FOXK1: variants seen among roughly 807,000 people sequenced by gnomAD.
The protein encoded by FOXK1 is forkhead box protein K1.
A neutral mutation model predicts 51.9 loss-of-function variants in FOXK1; 19 were observed. That is an observed-to-expected ratio of 0.37 (90% CI 0.26 to 0.54). The LOEUF (loss-of-function observed/expected upper bound fraction) is 0.54, where lower values mean the gene tolerates loss of function less well. Among genes scored for constraint, FOXK1 ranks in the 20% least tolerant of loss-of-function variants. FOXK1 has a pLI of 0.87. For missense variants in FOXK1, 870 were observed against 1,032.7 expected (o/e 0.84, Z 2.16); for synonymous variants, 537 against 482.6 (o/e 1.11, Z -1.48).
intron 1 of FOXK1, among the ~76,000 whole-genome samples, chr7:4,685,286 C>G (rs974723856): frequency 3.5e-5 from 5 of 141,128 alleles, no homozygotes; most frequent in Non-Finnish European, 7.5e-5. Context: ...AGTGCAGTGG[C>G]TCACTGCAAA....
rs1780931019 is a variant in FOXK1 at position 4,761,389 on chromosome 7, A to C, written c.1921+101A>C. 4 of 1,195,218 alleles carry C rather than the reference A, an allele frequency of 3.3e-6. No homozygotes were observed. In the South Asian group the frequency reaches 5.6e-5, roughly 17 times the overall value. 74.0% of individuals were successfully genotyped at this position (1,195,218 alleles called of 1,614,324 possible). On this transcript the variant is annotated intron_variant, in intron 8 of 8. Transcript: ENST00000328914. The surrounding 1 kb of genome is among the most constrained non-coding windows in gnomAD (Gnocchi z 6.2). The stretch of plus-strand genomic sequence containing the variant: ...TTCTCCCAGTATCTCCCGATCCTCC[A>C]CTCAGTTCAATTTATTGAGCACCTG...
At chr7:4,738,631 C>G (rs1476404888) in intron 1 of FOXK1, among the ~76,000 whole-genome samples, 1 of 152,086 alleles carries the variant, frequency 6.6e-6, no homozygotes, top group Non-Finnish European at 1.5e-5. Context: ...TCAGGGGTGA[C>G]CGACCACCCA....
In FOXK1 at chr7:4,720,962, C is replaced by T. The variant is rs775633788; in HGVS notation, c.561-19876C>T. ...ACACACGTGTTAGTCAGGCTGGTCTCGAACTCCTGACCTTATGTGATCCGC... is the reference window on the plus strand; with the variant it reads ...ACACACGTGTTAGTCAGGCTGGTCTTGAACTCCTGACCTTATGTGATCCGC... On this transcript the variant is annotated intron_variant, in intron 1 of 8. Coordinates refer to ENST00000328914, the MANE Select transcript of FOXK1 (RefSeq NM_001037165.2). Among the ~76,000 whole-genome samples the T allele has an allele frequency of 3.3e-5, 5 of 151,978 alleles. No individual in the cohort carries two copies. In the South Asian group the frequency reaches 6.2e-4, roughly 19 times the overall value.
At position 4,729,010 on chromosome 7, in the gene FOXK1, C is replaced by T. The variant is rs115188458; in HGVS notation, c.561-11828C>T. 2.9e-3 allele frequency among the ~76,000 whole-genome samples: 449 copies of T among 152,298 alleles called. 3 individuals are homozygous for T. The highest frequency in any genetic ancestry group is 0.01 in the African/African-American group (434 of 41,568). On this transcript the variant is annotated intron_variant, in intron 1 of 8. Transcript: ENST00000328914. The surrounding 1 kb of genome is among the most constrained non-coding windows in gnomAD (Gnocchi z 6.2). ...TCCCAGAAGCATTTTCTTAAATCAGCGTAGAGACAGAAGATGAAAGTTAAC... is the reference window on the plus strand; with the variant it reads ...TCCCAGAAGCATTTTCTTAAATCAGTGTAGAGACAGAAGATGAAAGTTAAC...
chr7:4,725,620 C>A (rs572670375), intron 1 of FOXK1, among the ~76,000 whole-genome samples: 1 of 152,248 alleles, frequency 6.6e-6, no homozygotes, highest in Admixed American at 6.5e-5. Flanking sequence ...ATGCTCCGGG[C>A]GTGTGGCTGT....
chr7:4,757,281 G>C, intron 5 of FOXK1, 94 bp downstream of exon 5: 1 of 1,136,264 alleles, frequency 8.8e-7, no homozygotes, highest in Non-Finnish European at 1.3e-6. Context: ...CTCCGGATCT[G>C]TGGGCTCAGG....
chr7:4,685,517 C>T (rs537126719), intron 1 of FOXK1, among the ~76,000 whole-genome samples: 453 of 150,572 alleles, frequency 3.0e-3, no homozygotes, highest in African/African-American at 5.3e-3. Context: ...CCCCTGCGCC[C>T]GGCCTCACTT....
At chr7:4,741,342 G>A (rs998015488) in intron 2 of FOXK1, among the ~76,000 whole-genome samples, 6 of 150,818 alleles carry the variant, frequency 4.0e-5, no homozygotes, top group African/African-American at 1.2e-4. Flanking sequence ...TTGTTTGTTT[G>A]TTTTGAGATG....
At position 4,753,286 on chromosome 7, in the gene FOXK1, G is replaced by A. The variant is rs996081960; in HGVS notation, c.747-1173G>A. On this transcript the variant is annotated intron_variant, in intron 2 of 8. Coordinates refer to ENST00000328914, the MANE Select transcript of FOXK1 (RefSeq NM_001037165.2). This position sits in a 1 kb window ranked among gnomAD's most constrained non-coding sequence, Gnocchi z 4.9. ...TTGAGCCCCGCCTGCACCCAAGGGG[G>A]CTCCTACTTAACCTAAGTTTTGGAG... Among the ~76,000 whole-genome samples, 1 of 152,218 alleles carries A rather than the reference G, an allele frequency of 6.6e-6. No individual in the cohort carries two copies. Among genetic ancestry groups the A allele is most frequent in the African/African-American group, 2.4e-5 (1 of 41,444 alleles).
rs565265819 is a variant in FOXK1 at position 4,709,656 on chromosome 7, C to T, written c.560+26788C>T. On this transcript the variant is annotated intron_variant, in intron 1 of 8. Coordinates refer to ENST00000328914, the MANE Select transcript of FOXK1 (RefSeq NM_001037165.2). This position sits in a 1 kb window ranked among gnomAD's most constrained non-coding sequence, Gnocchi z 5.6. ...TGTTAAAATCATGAACTGGTTTTGC[C>T]GCAGTAAAGCGTAATTCACATGATA... Among the ~76,000 whole-genome samples, 5 of 152,310 alleles carry T rather than the reference C, an allele frequency of 3.3e-5. 1 individual carries two copies. The East Asian group carries it at 5.8e-4, about 18-fold the overall frequency.
rs1202262155 is a variant in FOXK1, at chr7:4,730,666, C to G, written c.561-10172C>G. On this transcript the variant is annotated intron_variant, in intron 1 of 8. Coordinates refer to ENST00000328914, the MANE Select transcript of FOXK1 (RefSeq NM_001037165.2). The surrounding 1 kb of genome is among the most constrained non-coding windows in gnomAD (Gnocchi z 4.7). Reference sequence around the variant, plus strand: ...TTCGTCTGTAACCTGTGTCCCTTCACTGCCATGCACTGCTCTTAGCTGCTG... The same window carrying G: ...TTCGTCTGTAACCTGTGTCCCTTCAGTGCCATGCACTGCTCTTAGCTGCTG... Among the ~76,000 whole-genome samples, 1 of 152,236 alleles carries G rather than the reference C, an allele frequency of 6.6e-6. No individual in the cohort carries two copies. The highest frequency in any genetic ancestry group is 1.5e-5 in the Non-Finnish European group (1 of 68,030).
chr7:4,690,315 G>A (rs118059772), intron 1 of FOXK1, among the ~76,000 whole-genome samples: 9 of 152,366 alleles, frequency 5.9e-5, no homozygotes, highest in Admixed American at 1.3e-4. Flanking sequence ...TTTCAGTCCG[G>A]TTGTATCTTG....
intron 1 of FOXK1, among the ~76,000 whole-genome samples, chr7:4,705,492 A>C (rs1429430030): frequency 2.1e-5 from 3 of 145,234 alleles, no homozygotes; most frequent in Non-Finnish European, 3.0e-5. Context: ...TTAAGTGAGA[A>C]TTCTTCTGTG....
Position 4,734,710 on chromosome 7 carries a change from G to A in FOXK1, c.561-6128G>A, listed in dbSNP as rs1780529316. 6.6e-6 allele frequency among the ~76,000 whole-genome samples: 1 copy of A among 152,190 alleles called. No individual in the cohort carries two copies. Among genetic ancestry groups the A allele is most frequent in the African/African-American group, 2.4e-5 (1 of 41,462 alleles). ...CTGGGCTCAGCTCTGGAAGCTTGGG[G>A]GGCTGAGAGCCTCTGGTCCTCCTGC... On this transcript the variant is annotated intron_variant, in intron 1 of 8. Transcript: ENST00000328914. This position sits in a 1 kb window ranked among gnomAD's most constrained non-coding sequence, Gnocchi z 5.2.
intron 1 of FOXK1, among the ~76,000 whole-genome samples, chr7:4,705,984 G>A (rs1234145918): frequency 8.0e-5 from 7 of 87,932 alleles, no homozygotes; most frequent in African/African-American, 4.8e-4. Flanking sequence ...GTATATATAC[G>A]TATATATACG....
rs1331387038 is a variant in FOXK1, at chr7:4,728,709, A to AG, written c.561-12128dup. Among the ~76,000 whole-genome samples the AG allele has an allele frequency of 3.8e-5, 5 of 133,130 alleles. No homozygotes were observed. In the East Asian group the frequency reaches 1.3e-3, roughly 35 times the overall value. The allele number at this position is 133,130 out of a possible 152,430, so 87.3% of individuals were successfully genotyped here. A position where few individuals can be genotyped will look rare whatever the true frequency, so the allele number is the denominator to read the frequency against. On this transcript the variant is annotated intron_variant, in intron 1 of 8. Coordinates refer to ENST00000328914, the MANE Select transcript of FOXK1 (RefSeq NM_001037165.2). ...AATTTGAGGCCAGCCTGGGCAACAT[A>AG]GTGAGACCACGTCTCTTTTTGAAAA...
At position 4,683,334 on chromosome 7, in the gene FOXK1, T is replaced by C. The variant is rs965252442; in HGVS notation, c.560+466T>C. On this transcript the variant is annotated intron_variant, in intron 1 of 8. Transcript: ENST00000328914. This position sits in a 1 kb window ranked among gnomAD's most constrained non-coding sequence, Gnocchi z 4.5. Reference sequence around the variant, plus strand: ...CCCATCGGCCTGGACTCCGGGGTCATTCTGAACTCCCACTGGCCTGGATCC... The same window carrying C: ...CCCATCGGCCTGGACTCCGGGGTCACTCTGAACTCCCACTGGCCTGGATCC... Among the ~76,000 whole-genome samples, 5 of 151,728 alleles carry C rather than the reference T, an allele frequency of 3.3e-5. No homozygotes were observed. The East Asian group carries it at 9.7e-4, about 30-fold the overall frequency.
chr7:4,702,790 G>A (rs979888289), intron 1 of FOXK1, among the ~76,000 whole-genome samples: 1 of 152,172 alleles, frequency 6.6e-6, no homozygotes, highest in African/African-American at 2.4e-5. Flanking sequence ...AACCCTAGTG[G>A]GTGTAGCCCC....
Position 4,722,241 on chromosome 7 carries a change from C to T in FOXK1, c.561-18597C>T, listed in dbSNP as rs1054088605. Among the ~76,000 whole-genome samples, 1 of 152,056 alleles carries T rather than the reference C, an allele frequency of 6.6e-6. No individual in the cohort carries two copies. Among genetic ancestry groups the T allele is most frequent in the Non-Finnish European group, 1.5e-5 (1 of 67,910 alleles). On this transcript the variant is annotated intron_variant, in intron 1 of 8. Transcript: ENST00000328914. The surrounding 1 kb of genome is among the most constrained non-coding windows in gnomAD (Gnocchi z 5.1). ...CCTGGAAATAAATGCCAGCACCGTGCAAGCTGGCTTTGCATTCTCTGCCTT... is the reference window on the plus strand; with the variant it reads ...CCTGGAAATAAATGCCAGCACCGTGTAAGCTGGCTTTGCATTCTCTGCCTT...
Sources: allele counts gnomAD v4.1 joint callset (sites outside exome capture counted in the v4.1 genomes callset), GRCh38; gene constraint gnomAD v4.1.1; non-coding constraint Gnocchi (gnomAD v3.1); transcripts MANE v1.5; gene names NCBI Gene and HGNC (gene_info 2026-07-23, HGNC 2026-07-21).